MFHAS1: variants seen among roughly 807,000 people sequenced by gnomAD.
MFHAS1 encodes the protein multifunctional ROCO family signaling regulator 1, also known as malignant fibrous histiocytoma-amplified sequence 1.
A neutral mutation model predicts 70.4 loss-of-function variants in MFHAS1; 50 were observed. The observed-to-expected ratio is 0.71, with a 90% CI of 0.57 to 0.90. The LOEUF is 0.90. Ranked by LOEUF, MFHAS1 falls within the 40% of genes least tolerant of loss-of-function variation. The pLI, the probability that MFHAS1 is intolerant of heterozygous loss-of-function variation, is 0.00. For synonymous variants in MFHAS1, 952 were observed against 620.0 expected (o/e 1.54, Z -7.96); for missense variants, 1,795 against 1,347.6 (o/e 1.33, Z -5.20).
chr8:8,866,747 C>T (rs3789843), intron 1 of MFHAS1, among the ~76,000 whole-genome samples: 72,796 of 152,014 alleles, frequency 0.48, 18,265 homozygotes, highest in East Asian at 0.84. Context: ...CTGCAGAAGA[C>T]AGAATGGCAT....
chr8:8,827,979 C>CT (rs1585038406), intron 1 of MFHAS1, among the ~76,000 whole-genome samples: 1 of 151,858 alleles, frequency 6.6e-6, no homozygotes, highest in Admixed American at 6.6e-5. Flanking sequence ...CCCCAGCTCC[C>CT]TTTTTTTTCT....
chr8:8,832,042 ACATG>A lies in MFHAS1; in HGVS notation c.2999-34555_2999-34552del, dbSNP rs1251701369. On this transcript the variant is annotated intron_variant, in intron 1 of 2. Transcript: ENST00000276282. ...AACCTCAATCCTTACTTCAAGGCGC[ACATG>A]CACGCGCGCGCGCGCGCACACACAC... Among the ~76,000 whole-genome samples the A allele has an allele frequency of 2.8e-3, 255 of 91,994 alleles. 1 individual carries two copies. The highest frequency in any genetic ancestry group is 3.4e-3 in the Non-Finnish European group (143 of 41,554). 60.4% of individuals were successfully genotyped at this position (91,994 alleles called of 152,430 possible). A position where few individuals can be genotyped will look rare whatever the true frequency, so the allele number is the denominator to read the frequency against.
intron 1 of MFHAS1, among the ~76,000 whole-genome samples, chr8:8,814,325 C>T (rs1806657331): frequency 6.6e-6 from 1 of 152,150 alleles, no homozygotes; most frequent in Non-Finnish European, 1.5e-5. Flanking sequence ...ACAATGGTCA[C>T]AATATTCAGT....
chr8:8,798,369 A>G (rs1805978752), intron 1 of MFHAS1, among the ~76,000 whole-genome samples: 2 of 152,150 alleles, frequency 1.3e-5, no homozygotes. Flanking sequence ...TTTGTCACCC[A>G]GGCTGAAGTG....
intron 1 of MFHAS1, among the ~76,000 whole-genome samples, chr8:8,870,396 G>A (rs2116907530): frequency 6.6e-6 from 1 of 152,104 alleles, no homozygotes; most frequent in South Asian, 2.1e-4. Flanking sequence ...AGCCCAGGAA[G>A]TTGAGGCTGT....
At chr8:8,798,716 A>G (rs1805986624) in intron 1 of MFHAS1, among the ~76,000 whole-genome samples, 1 of 151,744 alleles carries the variant, frequency 6.6e-6, no homozygotes, top group African/African-American at 2.4e-5. Context: ...TACAACTTCA[A>G]CTCTCTGCAC....
intron 1 of MFHAS1, among the ~76,000 whole-genome samples, chr8:8,814,270 G>A (rs1275008306): frequency 6.6e-6 from 1 of 152,092 alleles, no homozygotes; most frequent in African/African-American, 2.4e-5. Context: ...TATTTTGATT[G>A]TACCTTTTCT....
At chr8:8,885,454 G>A (rs1809717213) in intron 1 of MFHAS1, among the ~76,000 whole-genome samples, 2 of 152,150 alleles carry the variant, frequency 1.3e-5, no homozygotes, top group Non-Finnish European at 2.9e-5. Flanking sequence ...CTTGAATCTT[G>A]CTGCAGGCCC....
chr8:8,869,798 C>A (rs1283750639), intron 1 of MFHAS1, among the ~76,000 whole-genome samples: 1 of 152,126 alleles, frequency 6.6e-6, no homozygotes, highest in Non-Finnish European at 1.5e-5. Context: ...GAAACCGGAG[C>A]CTGGGAAGGT....
chr8:8,880,065 C>G (rs1809454358), intron 1 of MFHAS1, among the ~76,000 whole-genome samples: 1 of 152,216 alleles, frequency 6.6e-6, no homozygotes, highest in Non-Finnish European at 1.5e-5. Context: ...CTCATTAAAT[C>G]ACATACACCC....
chr8:8,805,369 T>G (rs918228390), intron 1 of MFHAS1, among the ~76,000 whole-genome samples: 1 of 152,226 alleles, frequency 6.6e-6, no homozygotes, highest in East Asian at 1.9e-4. Flanking sequence ...AACAGATATT[T>G]TGTGTGTCAC....
chr8:8,866,691 C>A (rs898642424), intron 1 of MFHAS1, among the ~76,000 whole-genome samples: 11 of 152,182 alleles, frequency 7.2e-5, no homozygotes, highest in African/African-American at 2.4e-4. Context: ...TCTCTCTCCC[C>A]AGTCTCTTAC....
At chr8:8,810,431 G>A (rs962853555) in intron 1 of MFHAS1, among the ~76,000 whole-genome samples, 1 of 152,208 alleles carries the variant, frequency 6.6e-6, no homozygotes, top group Non-Finnish European at 1.5e-5. Flanking sequence ...GAACCATGCA[G>A]GTCCATTTAC....
At chr8:8,880,684 GTTTTTTTT>G in intron 1 of MFHAS1, among the ~76,000 whole-genome samples, 1 of 114,884 alleles carries the variant, frequency 8.7e-6, no homozygotes, top group African/African-American at 4.5e-5. Flanking sequence ...TTCCTTTTTT[GTTTTTTTT>G]TTTTTTCCCC....
chr8:8,794,238 C>A (rs979095452), intron 2 of MFHAS1, among the ~76,000 whole-genome samples: 1 of 152,062 alleles, frequency 6.6e-6, no homozygotes, highest in African/African-American at 2.4e-5. Context: ...GCTTAAGTTA[C>A]CTCGGCTGGA....
Position 8,805,122 on chromosome 8 carries a change from T to C in MFHAS1, c.2999-7631A>G, listed in dbSNP as rs573824309. Among the ~76,000 whole-genome samples, 32 of 152,262 alleles carry C rather than the reference T, an allele frequency of 2.1e-4. No individual in the cohort carries two copies. In the South Asian group the frequency reaches 5.4e-3, roughly 26 times the overall value. Reference sequence around the variant, plus strand: ...CCTCAGATCACAACGGCCCTTCCAATGCATTTGGTAAACGTTCAACCACAG... The same window carrying C: ...CCTCAGATCACAACGGCCCTTCCAACGCATTTGGTAAACGTTCAACCACAG... On this transcript the variant is annotated intron_variant, in intron 1 of 2. Coordinates refer to ENST00000276282, the MANE Select transcript of MFHAS1 (RefSeq NM_004225.3).
rs1228587877 is a variant in MFHAS1 at position 8,891,368 on chromosome 8, T to C, written c.1691A>G (p.His564Arg). ...CAAGCGGCTCAGTCCCTCCGCGTCG[T>C]GCTTCTCCTGCAGGGCGATCTGGCG... Reference protein sequence around the residue: ...IHRQIALQEKHDAEGLSRLAK... With the variant: ...IHRQIALQEKRDAEGLSRLAK... The change falls in exon 1 of 3, where the codon CAC (histidine) becomes CGC (arginine). Residue 564 changes from histidine to arginine, a missense_variant. Physicochemically the swap from His to Arg is conservative, Grantham distance 29 (BLOSUM62 0). Coordinates refer to ENST00000276282, the MANE Select transcript of MFHAS1 (RefSeq NM_004225.3). This position sits in a 1 kb window ranked among gnomAD's most constrained non-coding sequence, Gnocchi z 5.4. The C allele has an allele frequency of 4.3e-6, 7 of 1,611,352 alleles. No individual in the cohort carries two copies. Among genetic ancestry groups the C allele is most frequent in the East Asian group, 2.2e-5 (1 of 44,882 alleles).
At chr8:8,807,858 G>C (rs1274864928) in intron 1 of MFHAS1, among the ~76,000 whole-genome samples, 1 of 152,184 alleles carries the variant, frequency 6.6e-6, no homozygotes, top group Non-Finnish European at 1.5e-5. Flanking sequence ...ACTTGAACTT[G>C]TCATTCATCT....
At chr8:8,822,404 T>G (rs1806990102) in intron 1 of MFHAS1, among the ~76,000 whole-genome samples, 1 of 146,354 alleles carries the variant, frequency 6.8e-6, no homozygotes. Context: ...GGGCAGGGGA[T>G]GGAGCGGGAG....
Sources: allele counts gnomAD v4.1 joint callset (sites outside exome capture counted in the v4.1 genomes callset), GRCh38; gene constraint gnomAD v4.1.1; non-coding constraint Gnocchi (gnomAD v3.1); transcripts MANE v1.5; gene names NCBI Gene and HGNC (gene_info 2026-07-23, HGNC 2026-07-21).